Variants in ADGRL3 observed in about 807,000 individuals in gnomAD.
The protein encoded by ADGRL3 is adhesion G protein-coupled receptor L3, also known as calcium-independent alpha-latrotoxin receptor 3.
A neutral mutation model predicts 153.5 loss-of-function variants in ADGRL3; 62 were observed. The ratio of observed to expected loss-of-function variants is 0.40; its 90% CI spans 0.33 to 0.50. The LOEUF (loss-of-function observed/expected upper bound fraction) is 0.50. Among genes scored for constraint, ADGRL3 ranks in the 20% least tolerant of loss-of-function variants. ADGRL3 has a pLI of 0.47. For synonymous variants in ADGRL3, 710 were observed against 672.5 expected (o/e 1.06, Z -0.86); for missense variants, 1,641 against 1,859.4 (o/e 0.88, Z 2.16).
At chr4:61,509,594 A>G (rs1176227733) in intron 3 of ADGRL3, among the ~76,000 whole-genome samples, 2 of 152,066 alleles carry the variant, frequency 1.3e-5, no homozygotes, top group East Asian at 1.9e-4. Flanking sequence ...TTATGGCTGC[A>G]TAGTATTCTT....
intron 1 of ADGRL3, among the ~76,000 whole-genome samples, chr4:61,319,586 T>A (rs912007425): frequency 3.9e-5 from 6 of 152,136 alleles, no homozygotes; most frequent in Admixed American, 2.0e-4. Context: ...TGGCCTTAGA[T>A]CGAAGGCCCA....
At chr4:61,355,921 A>C (rs779598463) in intron 1 of ADGRL3, among the ~76,000 whole-genome samples, 2 of 152,062 alleles carry the variant, frequency 1.3e-5, no homozygotes, top group African/African-American at 2.4e-5. Flanking sequence ...GAAGCTCTTA[A>C]TGTGTAATAT....
intron 2 of ADGRL3, among the ~76,000 whole-genome samples, chr4:61,397,023 A>G (rs904997172): frequency 6.6e-6 from 1 of 151,238 alleles, no homozygotes; most frequent in African/African-American, 2.4e-5. Context: ...ATATTTTATT[A>G]GTTTTCTAAT....
chr4:61,422,452 T>C (rs1448615906), intron 2 of ADGRL3, among the ~76,000 whole-genome samples: 1 of 152,178 alleles, frequency 6.6e-6, no homozygotes, highest in African/African-American at 2.4e-5. Flanking sequence ...TTCACAAACA[T>C]GCCATGTTTA....
intron 5 of ADGRL3, among the ~76,000 whole-genome samples, chr4:61,674,057 C>T (rs1054243035): frequency 4.6e-5 from 7 of 151,050 alleles, no homozygotes; most frequent in African/African-American, 7.3e-5. Flanking sequence ...TACAACAGAT[C>T]GTTGCTTTTA....
intron 1 of ADGRL3, among the ~76,000 whole-genome samples, chr4:61,344,050 T>C (rs2095854461): frequency 6.6e-6 from 1 of 152,164 alleles, no homozygotes; most frequent in African/African-American, 2.4e-5. Context: ...AATAATGAAA[T>C]AGTGCACTGA....
At chr4:61,854,558 T>C (rs964865481) in intron 9 of ADGRL3, among the ~76,000 whole-genome samples, 14 of 152,140 alleles carry the variant, frequency 9.2e-5, no homozygotes, top group Non-Finnish European at 2.1e-4. Flanking sequence ...TAAAAATAAA[T>C]GCATGGGTGA....
chr4:61,276,660 C>T (rs2093475125), intron 1 of ADGRL3, among the ~76,000 whole-genome samples: 1 of 152,010 alleles, frequency 6.6e-6, no homozygotes. Context: ...TCATTTTAGT[C>T]AGGTTTATTT....
At chr4:61,678,138 T>A (rs2150929890) in intron 6 of ADGRL3, among the ~76,000 whole-genome samples, 1 of 152,112 alleles carries the variant, frequency 6.6e-6, no homozygotes, top group East Asian at 1.9e-4. Context: ...AAGCCCCTAC[T>A]GACGATTATT....
At chr4:61,903,742 C>A (rs2098679381) in intron 11 of ADGRL3, among the ~76,000 whole-genome samples, 1 of 137,406 alleles carries the variant, frequency 7.3e-6, no homozygotes, top group Admixed American at 7.4e-5. Context: ...TAAAAAGATA[C>A]TTTTTATATT....
Position 61,827,239 on chromosome 4 carries a change from A to G in ADGRL3, c.1480+13350A>G, listed in dbSNP as rs560654886. 2.0e-5 allele frequency among the ~76,000 whole-genome samples: 3 copies of G among 152,332 alleles called. No homozygotes were observed. The East Asian group carries it at 5.8e-4, about 29-fold the overall frequency. On this transcript the variant is annotated intron_variant, in intron 9 of 26. Transcript: ENST00000683033. ...AGACCGCATTTGCTGTGCCCACACA[A>G]TCAGATTCTCATGCTGAATATTGAT...
chr4:61,496,985 A>G (rs2098327195), intron 2 of ADGRL3, 136 bp from the exon 3 acceptor site: 1 of 281,314 alleles, frequency 3.6e-6, no homozygotes, highest in Non-Finnish European at 6.5e-6. Context: ...TTTGCTCAGT[A>G]GAGACTGAAT....
chr4:61,889,319 G>A (rs957573026), intron 9 of ADGRL3, among the ~76,000 whole-genome samples: 2 of 152,210 alleles, frequency 1.3e-5, no homozygotes, highest in Non-Finnish European at 2.9e-5. Context: ...AAGGCCCTGA[G>A]GCAGAAAGAA....
intron 5 of ADGRL3, among the ~76,000 whole-genome samples, chr4:61,641,739 A>G (rs2093684819): frequency 6.6e-6 from 1 of 151,786 alleles, no homozygotes; most frequent in East Asian, 1.9e-4. Flanking sequence ...TAATGCCACA[A>G]TAAACATACG....
intron 6 of ADGRL3, among the ~76,000 whole-genome samples, chr4:61,706,761 A>C (rs1247877785): frequency 1.3e-5 from 2 of 152,188 alleles, no homozygotes; most frequent in African/African-American, 4.8e-5. Flanking sequence ...CAGTTCACTA[A>C]AACTTTTTCC....
intron 1 of ADGRL3, among the ~76,000 whole-genome samples, chr4:61,348,790 G>A (rs1160761266): frequency 6.6e-6 from 1 of 151,916 alleles, no homozygotes; most frequent in Non-Finnish European, 1.5e-5. Context: ...TGATAAATCT[G>A]CCTTTTAATA....
intron 8 of ADGRL3, among the ~76,000 whole-genome samples, chr4:61,781,488 A>G (rs1033556988): frequency 1.3e-5 from 2 of 152,130 alleles, no homozygotes; most frequent in Middle Eastern, 3.2e-3. Context: ...TTCCAGAAAT[A>G]TTTGGCTTAG....
At chr4:61,432,614 CTTTCTTTCTTTCTTTCTT>C (rs2097375412) in intron 2 of ADGRL3, among the ~76,000 whole-genome samples, 1 of 70,710 alleles carries the variant, frequency 1.4e-5, no homozygotes, top group Admixed American at 1.6e-4. Flanking sequence ...TTCTTTCTTT[CTTTCTTTCTTTCTTTCTT>C]TCTTTCTTTC....
intron 9 of ADGRL3, among the ~76,000 whole-genome samples, chr4:61,846,174 G>C (rs2098114107): frequency 6.6e-6 from 1 of 151,842 alleles, no homozygotes; most frequent in Admixed American, 6.6e-5. Context: ...AAAATCAGGG[G>C]AGTATGGAGA....
Sources: gnomAD v4.1 joint callset for allele counts (sites outside exome capture counted in the v4.1 genomes callset) on GRCh38, gnomAD v4.1.1 for gene constraint, MANE v1.5 for transcripts, NCBI Gene and HGNC (gene_info 2026-07-23, HGNC 2026-07-21) for gene names.